GPR153: variants seen among roughly 807,000 people sequenced by gnomAD.
GPR153 encodes the protein probable G protein-coupled receptor 153.
GPR153 carries 27 observed loss-of-function variants against 34.1 expected under a neutral mutation model. The ratio of observed to expected loss-of-function variants is 0.79; its 90% CI spans 0.58 to 1.09. The LOEUF (loss-of-function observed/expected upper bound fraction) is 1.09. Among genes scored for constraint, GPR153 ranks in the 50% least tolerant of loss-of-function variants. The pLI is 0.00. For synonymous variants in GPR153, 408 were observed against 405.4 expected (o/e 1.01, Z -0.08); for missense variants, 848 against 860.2 (o/e 0.99, Z 0.18).
chr1:6,249,254 C>A lies in GPR153; in HGVS notation c.*84G>T. ...GGGAGGGGTGGCGCATGTCTGCGCGCGGGGCGGAGGCGGGCGTCTTTGGTG... is the reference window on the plus strand; with the variant it reads ...GGGAGGGGTGGCGCATGTCTGCGCGAGGGGCGGAGGCGGGCGTCTTTGGTG... On this transcript the variant is annotated 3_prime_UTR_variant, in exon 6 of 6. Transcript: ENST00000377893. The surrounding 1 kb of genome is among the most constrained non-coding windows in gnomAD (Gnocchi z 4.3). The A allele has an allele frequency of 9.7e-7, 1 of 1,034,268 alleles. No individual in the cohort carries two copies. Among genetic ancestry groups the A allele is most frequent in the Non-Finnish European group, 1.2e-6 (1 of 806,986 alleles). 64.1% of individuals were successfully genotyped at this position (1,034,268 alleles called of 1,614,324 possible). A position where few individuals can be genotyped will look rare whatever the true frequency, so the allele number is the denominator to read the frequency against.
rs780504968 is a variant in GPR153, at chr1:6,253,852, C to T, written c.652G>A (p.Val218Met). ...DRRAFTVPTI[V>M]VEDAQGKRRS... ...CGCTTGCCCTGCGCGTCCTCCACCA[C>T]GATGGTGGGCACGGTGAAGGCGCGG... Residue 218 changes from valine to methionine, a missense_variant, in exon 3 of 6, where the codon GTG becomes ATG. Physicochemically the swap from Val to Met is conservative, Grantham distance 21 (BLOSUM62 1). Transcript: ENST00000377893. 1.4e-4 allele frequency: 231 copies of T among 1,605,130 alleles called. No individual in the cohort carries two copies. Among genetic ancestry groups the T allele is most frequent in the South Asian group, 1.9e-4 (17 of 90,580 alleles).
intron 1 of GPR153, among the ~76,000 whole-genome samples, chr1:6,255,712 G>A (rs780518248): frequency 1.6e-5 from 2 of 127,414 alleles, no homozygotes; most frequent in Non-Finnish European, 3.2e-5. Flanking sequence ...GAGTGCAATG[G>A]CATGATCTTG....
In GPR153 at chr1:6,251,417, G is replaced by GCAGGCC; in HGVS notation, c.894_899dup (p.Trp298_Ala299dup). 6.2e-7 allele frequency: 1 copy of GCAGGCC among 1,613,558 alleles called. No homozygotes were observed. The highest frequency in any genetic ancestry group is 8.5e-7 in the Non-Finnish European group (1 of 1,179,966). On this transcript the variant is annotated inframe_insertion, in exon 4 of 6. Coordinates refer to ENST00000377893, the MANE Select transcript of GPR153 (RefSeq NM_207370.4). This position sits in a 1 kb window ranked among gnomAD's most constrained non-coding sequence, Gnocchi z 4.9. ...CTTTGAGGTCAGCCCGGTAGCGGTCGCAGGCCCAGAGGAACACAGGCAGCA... is the reference window on the plus strand; with the variant it reads ...CTTTGAGGTCAGCCCGGTAGCGGTCGCAGGCCCAGGCCCAGAGGAACACAGGCAGCA...
At chr1:6,254,458 G>T in intron 2 of GPR153, 92 bp downstream of exon 2, 1 of 1,172,004 alleles carries the variant, frequency 8.5e-7, no homozygotes, top group Non-Finnish European at 1.2e-6. Flanking sequence ...CCACAGGTGT[G>T]GCCACTCCTG....
intron 1 of GPR153, among the ~76,000 whole-genome samples, chr1:6,260,251 C>A (rs1045209690): frequency 3.9e-5 from 6 of 151,996 alleles, no homozygotes; most frequent in Non-Finnish European, 8.8e-5. Context: ...GCGCTGCAGC[C>A]GATGTGTTCC....
rs1236089114 is a variant in GPR153 at position 6,249,495 on chromosome 1, G to C, written c.1673C>G (p.Ala558Gly). 2.4e-6 allele frequency: 3 copies of C among 1,272,330 alleles called. No individual in the cohort carries two copies. The highest frequency in any genetic ancestry group is 3.2e-5 in the East Asian group (1 of 30,858). 78.8% of individuals were successfully genotyped at this position (1,272,330 alleles called of 1,614,324 possible). A position where few individuals can be genotyped will look rare whatever the true frequency, so the allele number is the denominator to read the frequency against. Residue 558 changes from alanine (A) to glycine (G), a missense_variant, in exon 6 of 6, where the codon GCC (alanine) becomes GGC (glycine). By Grantham distance (60) the Ala-to-Gly change is moderately conservative. Transcript: ENST00000377893. This position sits in a 1 kb window ranked among gnomAD's most constrained non-coding sequence, Gnocchi z 4.3. ...PGPRPSAHSH[A>G]GSLRPGLSAS... ...GCTCAGGCCGGGGCGCAGAGAGCCG[G>C]CGTGCGAGTGCGCAGAGGGGCGTGG...
At position 6,251,694 on chromosome 1, in the gene GPR153, G is replaced by A; in HGVS notation, c.787-164C>T. The A allele has an allele frequency of 2.7e-6, 1 of 375,912 alleles. No individual in the cohort carries two copies. 23.3% of individuals were successfully genotyped at this position (375,912 alleles called of 1,614,324 possible). A position where few individuals can be genotyped will look rare whatever the true frequency, so the allele number is the denominator to read the frequency against. ...AAGAGCTGGAGCGTGGCAGTGGGAG[G>A]CCCCGCCTTCCGGGAGCTACCTGGC... On this transcript the variant is annotated intron_variant, in intron 3 of 5. Coordinates refer to ENST00000377893, the MANE Select transcript of GPR153 (RefSeq NM_207370.4). This position sits in a 1 kb window ranked among gnomAD's most constrained non-coding sequence, Gnocchi z 4.9.
intron 1 of GPR153, among the ~76,000 whole-genome samples, chr1:6,256,702 A>G (rs770721578): frequency 2.6e-5 from 4 of 152,088 alleles, no homozygotes; most frequent in African/African-American, 4.8e-5. Flanking sequence ...GAGTCTCACT[A>G]TGTTGCCTGG....
intron 1 of GPR153, among the ~76,000 whole-genome samples, chr1:6,259,497 AT>A (rs3035676): frequency 0.076 from 10,914 of 144,074 alleles, 1,123 homozygotes; most frequent in African/African-American, 0.24. Flanking sequence ...GGAAAAGGGC[AT>A]TTTTTTTTTT....
rs1638523618 is a variant in GPR153 at position 6,254,655 on chromosome 1, T to C, written c.251A>G (p.Lys84Arg). ...PDFEWNEGLC[K>R]VFVSTFYTLT... Reference sequence around the variant, plus strand: ...GGTGTAGAAGGTGGACACGAAGACCTTGCAGAGACCCTCATTCCACTCGAA... The same window carrying C: ...GGTGTAGAAGGTGGACACGAAGACCCTGCAGAGACCCTCATTCCACTCGAA... Residue 84 changes from lysine (K) to arginine (R), a missense_variant, in exon 2 of 6, where the codon AAG (lysine) becomes AGG (arginine). Physicochemically the swap from Lys to Arg is conservative, Grantham distance 26 (BLOSUM62 2). Transcript: ENST00000377893. 6.2e-7 allele frequency: 1 copy of C among 1,613,736 alleles called. No homozygotes were observed. The highest frequency in any genetic ancestry group is 1.3e-5 in the African/African-American group (1 of 74,926).
intron 1 of GPR153, among the ~76,000 whole-genome samples, chr1:6,257,027 C>G (rs1273013525): frequency 6.6e-6 from 1 of 152,196 alleles, no homozygotes; most frequent in Non-Finnish European, 1.5e-5. Context: ...CCCTCACTTC[C>G]GTCCACTCCT....
chr1:6,254,396 C>T (rs1638517723), intron 2 of GPR153, among the ~76,000 whole-genome samples, 154 bp downstream of exon 2: 1 of 152,200 alleles, frequency 6.6e-6, no homozygotes, highest in South Asian at 2.1e-4. Flanking sequence ...TACGTGTATG[C>T]CCCCAGCAGC....
rs1376637963 is a variant in GPR153, at chr1:6,249,777, C to T, written c.1391G>A (p.Arg464Gln). 16 of 1,155,660 alleles carry T rather than the reference C, an allele frequency of 1.4e-5. No individual in the cohort carries two copies. The highest frequency in any genetic ancestry group is 1.6e-5 in the African/African-American group (1 of 61,024). 71.6% of individuals were successfully genotyped at this position (1,155,660 alleles called of 1,614,324 possible). The change falls in exon 6 of 6, where the codon CGG (arginine) becomes CAG (glutamine). Residue 464 changes from arginine (R) to glutamine (Q), a missense_variant. Physicochemically the swap from Arg to Gln is conservative, Grantham distance 43. Transcript: ENST00000377893. The surrounding 1 kb of genome is among the most constrained non-coding windows in gnomAD (Gnocchi z 4.3). ...CGGGCCGCTATCCAGGGCCGAGGGCCGCAGCGACAGCAGGCTCTCGGCCGA... is the reference window on the plus strand; with the variant it reads ...CGGGCCGCTATCCAGGGCCGAGGGCTGCAGCGACAGCAGGCTCTCGGCCGA... ...RRSAESLLSL[R>Q]PSALDSGPRG...
intron 5 of GPR153, 140 bp from the exon 6 acceptor site, chr1:6,250,143 T>G (rs1571237075): frequency 7.5e-7 from 1 of 1,337,530 alleles, no homozygotes; most frequent in Admixed American, 3.7e-5. Flanking sequence ...AGCTGTGAGG[T>G]TTGGTGCAGT....
rs1312417506 is a variant in GPR153, at chr1:6,254,872, C to T, written c.34G>A (p.Val12Met). 7 of 1,588,090 alleles carry T rather than the reference C, an allele frequency of 4.4e-6. No individual in the cohort carries two copies. In the East Asian group the frequency reaches 9.0e-5, roughly 20 times the overall value. The change falls in exon 2 of 6, where the codon GTG (valine) becomes ATG (methionine). Residue 12 changes from valine (V) to methionine (M), a missense_variant. By Grantham distance (21) the Val-to-Met change is conservative. Coordinates refer to ENST00000377893, the MANE Select transcript of GPR153 (RefSeq NM_207370.4). ...AGGCCCCCACATACCAGCCAGCCCACTGCACTGCCAGGCAGCCGCCGCTCA... is the reference window on the plus strand; with the variant it reads ...AGGCCCCCACATACCAGCCAGCCCATTGCACTGCCAGGCAGCCGCCGCTCA... ...SDERRLPGSA[V>M]GWLVCGGLSL...
At chr1:6,250,371 A>G in intron 5 of GPR153, 69 bp downstream of exon 5, 2 of 1,486,110 alleles carry the variant, frequency 1.3e-6, no homozygotes, top group Non-Finnish European at 1.8e-6. Flanking sequence ...CTCCGAGTGG[A>G]GAGGCCTCGG....
At chr1:6,250,141 G>A in intron 5 of GPR153, 138 bp from the exon 6 acceptor site, 1 of 1,341,518 alleles carries the variant, frequency 7.5e-7, no homozygotes, top group Non-Finnish European at 9.6e-7. Context: ...GGAGCTGTGA[G>A]GTTTGGTGCA....
intron 1 of GPR153, among the ~76,000 whole-genome samples, chr1:6,257,265 C>T (rs893710037): frequency 6.6e-6 from 1 of 152,230 alleles, no homozygotes; most frequent in Non-Finnish European, 1.5e-5. Flanking sequence ...CATCAGGCCA[C>T]GTAAGGACAT....
In GPR153 at chr1:6,254,677, C is replaced by T. The variant is rs748307525; in HGVS notation, c.229G>A (p.Glu77Lys). The change falls in exon 2 of 6, where the codon GAG becomes AAG. Residue 77 changes from glutamate to lysine, a missense_variant. By Grantham distance (56) the Glu-to-Lys change is moderately conservative. Coordinates refer to ENST00000377893, the MANE Select transcript of GPR153 (RefSeq NM_207370.4). ...ACCTTGCAGAGACCCTCATTCCACTCGAAGTCGGGGCGCTGCCGCCGCAGC... is the reference window on the plus strand; with the variant it reads ...ACCTTGCAGAGACCCTCATTCCACTTGAAGTCGGGGCGCTGCCGCCGCAGC... ...VQLRRQRPDF[E>K]WNEGLCKVFV... 42 of 1,613,572 alleles carry T rather than the reference C, an allele frequency of 2.6e-5. No homozygotes were observed. The highest frequency in any genetic ancestry group is 6.6e-5 in the South Asian group (6 of 91,034).
Sources: allele counts gnomAD v4.1 joint callset (sites outside exome capture counted in the v4.1 genomes callset), GRCh38; gene constraint gnomAD v4.1.1; non-coding constraint Gnocchi (gnomAD v3.1); transcripts MANE v1.5; gene names NCBI Gene and HGNC (gene_info 2026-07-23, HGNC 2026-07-21).